SNAP91: variants seen among roughly 807,000 people sequenced by gnomAD.
The protein encoded by SNAP91 is clathrin coat assembly protein AP180.
Under a neutral mutation model 100.3 loss-of-function variants are expected in SNAP91, and 27 were observed. The observed-to-expected ratio is 0.27, with a 90% CI of 0.20 to 0.37. The LOEUF is 0.37. SNAP91 is among the 10% of genes least tolerant of loss of function. The probability of loss-of-function intolerance (pLI) is 1.00; values close to 1 mark genes in which losing one functional copy is unlikely to be tolerated. For synonymous variants in SNAP91, 404 were observed against 398.6 expected (o/e 1.01, Z -0.16); for missense variants, 986 against 1,123.7 (o/e 0.88, Z 1.75).
rs1356605545 is a variant in SNAP91, at chr6:83,592,452, C to T, written c.1930+3G>A. On this transcript the variant is annotated splice_donor_region_variant and intron_variant, in intron 21 of 29. Coordinates refer to ENST00000369694, the MANE Select transcript of SNAP91 (RefSeq NM_001242792.2). Reference sequence around the variant, plus strand: ...TAAGTGTTGATGGAGGAGAAATACGCACCCCCAAAAAGGTCTATGACACCT... The same window carrying T: ...TAAGTGTTGATGGAGGAGAAATACGTACCCCCAAAAAGGTCTATGACACCT... The T allele has an allele frequency of 3.1e-6, 5 of 1,601,482 alleles. No homozygotes were observed. The highest frequency in any genetic ancestry group is 1.7e-4 in the Middle Eastern group (1 of 6,024).
intron 26 of SNAP91, among the ~76,000 whole-genome samples, chr6:83,564,367 T>C (rs1793548572): frequency 6.6e-6 from 1 of 150,864 alleles, no homozygotes; most frequent in South Asian, 2.1e-4. Flanking sequence ...ATACAGGATC[T>C]TGCTCTGTCA....
intron 2 of SNAP91, among the ~76,000 whole-genome samples, chr6:83,701,904 T>C (rs2099316533): frequency 6.6e-6 from 1 of 152,176 alleles, no homozygotes; most frequent in Non-Finnish European, 1.5e-5. Flanking sequence ...GGTACAACTG[T>C]CTCTGGTTTG....
At chr6:83,614,812 T>C (rs1339006684) in intron 11 of SNAP91, 45 bp downstream of exon 11, 1 of 1,484,382 alleles carries the variant, frequency 6.7e-7, no homozygotes, top group Non-Finnish European at 9.1e-7. Context: ...TTTTGCATTT[T>C]TAGTAATTAC....
chr6:83,632,524 A>G (rs914009845), intron 8 of SNAP91, among the ~76,000 whole-genome samples: 3 of 152,102 alleles, frequency 2.0e-5, no homozygotes, highest in Non-Finnish European at 4.4e-5. Context: ...AGGAACACCA[A>G]TTATTCTTAG....
chr6:83,639,575 G>C (rs2097592676), intron 8 of SNAP91, among the ~76,000 whole-genome samples: 1 of 151,936 alleles, frequency 6.6e-6, no homozygotes, highest in Admixed American at 6.6e-5. Flanking sequence ...CTTTCTTAAT[G>C]GCCTCAGGTG....
At position 83,659,997 on chromosome 6, in the gene SNAP91, T is replaced by C. The variant is rs114168455; in HGVS notation, c.453-905A>G. ...CACCTTCAGGTCTCTTAGGAAGCCC[T>C]TGTATCCAGTGATGGTGATGGTTGA... On this transcript the variant is annotated intron_variant, in intron 5 of 29. Transcript: ENST00000369694. 4.9e-3 allele frequency among the ~76,000 whole-genome samples: 745 copies of C among 152,296 alleles called. 9 individuals carry two copies. The highest frequency in any genetic ancestry group is 0.017 in the African/African-American group (711 of 41,552).
At chr6:83,602,361 A>G (rs1008028398) in intron 14 of SNAP91, among the ~76,000 whole-genome samples, 8 of 152,144 alleles carry the variant, frequency 5.3e-5, no homozygotes, top group African/African-American at 1.9e-4. Flanking sequence ...TATAACCCCC[A>G]AGAAAAATTT....
At chr6:83,639,908 T>C (rs1234168136) in intron 8 of SNAP91, among the ~76,000 whole-genome samples, 2 of 152,124 alleles carry the variant, frequency 1.3e-5, no homozygotes, top group African/African-American at 2.4e-5. Flanking sequence ...GGTTAAACCA[T>C]GGCAAAATCA....
At chr6:83,685,105 T>C (rs2099043064) in intron 2 of SNAP91, among the ~76,000 whole-genome samples, 1 of 152,236 alleles carries the variant, frequency 6.6e-6, no homozygotes, top group Admixed American at 6.5e-5. Context: ...ACAAGAATTA[T>C]GATTGGATAC....
At chr6:83,646,958 C>T (rs2097944780) in intron 7 of SNAP91, among the ~76,000 whole-genome samples, 1 of 152,050 alleles carries the variant, frequency 6.6e-6, no homozygotes, top group South Asian at 2.1e-4. Context: ...ATGTTAATGG[C>T]ATTGTGTTTT....
At chr6:83,563,935 C>T (rs1427572847) in intron 26 of SNAP91, among the ~76,000 whole-genome samples, 6 of 152,124 alleles carry the variant, frequency 3.9e-5, no homozygotes, top group South Asian at 2.1e-4. Context: ...CTGCAAATTG[C>T]TACACAGATT....
At chr6:83,612,119 T>C (rs1401898018) in intron 11 of SNAP91, among the ~76,000 whole-genome samples, 2 of 152,162 alleles carry the variant, frequency 1.3e-5, no homozygotes, top group East Asian at 3.9e-4. Flanking sequence ...AAACAACAGG[T>C]AGCAAGGGCA....
At chr6:83,637,426 T>C (rs1006057500) in intron 8 of SNAP91, among the ~76,000 whole-genome samples, 2 of 152,174 alleles carry the variant, frequency 1.3e-5, no homozygotes, top group Admixed American at 1.3e-4. Flanking sequence ...GAAGAATCCC[T>C]GGGCAGGGCA....
At chr6:83,592,851 A>G (rs2093963416) in intron 20 of SNAP91, 95 bp downstream of exon 20, 2 of 926,824 alleles carry the variant, frequency 2.2e-6, no homozygotes, top group Non-Finnish European at 3.3e-6. Context: ...TTTAAATTTA[A>G]AAGAACTCAA....
At chr6:83,585,798 GTCTA>G (rs1207564787) in intron 22 of SNAP91, among the ~76,000 whole-genome samples, 1 of 151,372 alleles carries the variant, frequency 6.6e-6, no homozygotes, top group African/African-American at 2.4e-5. Flanking sequence ...AGTCTACATA[GTCTA>G]TCTAACACAT....
chr6:83,606,782 T>C (rs1228211658), intron 13 of SNAP91, among the ~76,000 whole-genome samples: 1 of 152,206 alleles, frequency 6.6e-6, no homozygotes, highest in Non-Finnish European at 1.5e-5. Flanking sequence ...ACTGAAACCA[T>C]TGCTAGTTTT....
intron 22 of SNAP91, among the ~76,000 whole-genome samples, chr6:83,588,609 T>C (rs1282404024): frequency 6.6e-6 from 1 of 152,202 alleles, no homozygotes; most frequent in Non-Finnish European, 1.5e-5. Flanking sequence ...TGGCAGCAGG[T>C]GACAAACCCC....
intron 14 of SNAP91, among the ~76,000 whole-genome samples, 172 bp downstream of exon 14, chr6:83,605,511 GTC>G (rs993703276): frequency 6.6e-6 from 1 of 152,092 alleles, no homozygotes; most frequent in Non-Finnish European, 1.5e-5. Flanking sequence ...CACTTTCTCT[GTC>G]TCTCTCTCTC....
intron 16 of SNAP91, among the ~76,000 whole-genome samples, chr6:83,595,128 T>C (rs2094312837): frequency 6.6e-6 from 1 of 152,094 alleles, no homozygotes; most frequent in Non-Finnish European, 1.5e-5. Flanking sequence ...AAGTGTTAAG[T>C]TTACTAAGGT....
Sources: allele counts gnomAD v4.1 joint callset (sites outside exome capture counted in the v4.1 genomes callset), GRCh38; gene constraint gnomAD v4.1.1; transcripts MANE v1.5; gene names NCBI Gene and HGNC (gene_info 2026-07-23, HGNC 2026-07-21).